Variants in NCALD observed in about 807,000 individuals in gnomAD.
NCALD encodes neurocalcin delta, also known as neurocalcin-delta.
A neutral mutation model predicts 18.6 loss-of-function variants in NCALD; 10 were observed. That is an observed-to-expected ratio of 0.54 (90% CI 0.33 to 0.91). The LOEUF (loss-of-function observed/expected upper bound fraction) is 0.91, where lower values mean the gene tolerates loss of function less well. NCALD is among the 40% of genes least tolerant of loss of function. The pLI is 0.03. For missense variants in NCALD, 184 were observed against 247.6 expected (o/e 0.74, Z 1.72); for synonymous variants, 88 against 87.4 (o/e 1.01, Z -0.04).
At chr8:102,043,943 G>C (rs1008079061) in intron 1 of NCALD, among the ~76,000 whole-genome samples, 1 of 151,804 alleles carries the variant, frequency 6.6e-6, no homozygotes, top group Admixed American at 6.6e-5. Context: ...AAGGACTCTG[G>C]TTACATTCTT....
chr8:101,788,218 C>T (rs953215406), intron 1 of NCALD, among the ~76,000 whole-genome samples: 16 of 152,154 alleles, frequency 1.1e-4, no homozygotes, highest in Non-Finnish European at 2.4e-4. Flanking sequence ...AGTTCTATCA[C>T]CTTTTGGCAT....
At chr8:102,008,333 G>A (rs1297682753) in intron 2 of NCALD, among the ~76,000 whole-genome samples, 1 of 151,970 alleles carries the variant, frequency 6.6e-6, no homozygotes, top group Non-Finnish European at 1.5e-5. Flanking sequence ...CAACCCTTAG[G>A]GACAGGAATA....
chr8:101,898,954 A>T (rs1478876495), intron 3 of NCALD, among the ~76,000 whole-genome samples: 1 of 152,056 alleles, frequency 6.6e-6, no homozygotes, highest in Non-Finnish European at 1.5e-5. Flanking sequence ...TTAAACTTGA[A>T]TCTGAATATC....
At chr8:101,804,093 G>T (rs1812969599) in intron 4 of NCALD, among the ~76,000 whole-genome samples, 1 of 151,904 alleles carries the variant, frequency 6.6e-6, no homozygotes, top group African/African-American at 2.4e-5. Context: ...CCAGCAAAAA[G>T]ATTAGAACTT....
chr8:101,935,473 T>A (rs1032542706), intron 2 of NCALD, among the ~76,000 whole-genome samples: 4 of 152,154 alleles, frequency 2.6e-5, no homozygotes, highest in Admixed American at 2.6e-4. Flanking sequence ...AGTTTACAGT[T>A]TACAACAGAA....
rs141813412 is a variant in NCALD at position 101,935,926 on chromosome 8, G to A, written c.-156-20068C>T. 3.9e-5 allele frequency among the ~76,000 whole-genome samples: 6 copies of A among 151,990 alleles called. No homozygotes were observed. The East Asian group carries it at 1.2e-3, about 29-fold the overall frequency. On this transcript the variant is annotated intron_variant, in intron 2 of 6. Coordinates refer to the NCALD transcript ENST00000311028. The stretch of plus-strand genomic sequence containing the variant: ...AAGCCAAGTCCTAAGTAAGAGAACA[G>A]ATGAGATGCGGAGCACACGATTAGT...
rs530607269 is a variant in NCALD, at chr8:101,726,973, A to C, written c.-19-7325T>G. On this transcript the variant is annotated intron_variant, in intron 1 of 3. Coordinates refer to ENST00000220931, the MANE Select transcript of NCALD (RefSeq NM_032041.3). Reference sequence around the variant, plus strand: ...AAGGAGCCAGTAAAGGAGAACAAAAAGGAATGACCAGCGAAGTAGGCAGAC... The same window carrying C: ...AAGGAGCCAGTAAAGGAGAACAAAACGGAATGACCAGCGAAGTAGGCAGAC... Among the ~76,000 whole-genome samples the C allele has an allele frequency of 1.1e-4, 17 of 152,362 alleles. 1 individual carries two copies. The highest frequency in any genetic ancestry group is 4.1e-4 in the African/African-American group (17 of 41,594).
chr8:101,955,773 T>C (rs1819599924), intron 2 of NCALD, among the ~76,000 whole-genome samples: 1 of 152,166 alleles, frequency 6.6e-6, no homozygotes, highest in African/African-American at 2.4e-5. Flanking sequence ...TAAAAATAGT[T>C]ATAGAAGATA....
At chr8:101,884,353 C>T (rs896806242) in intron 4 of NCALD, among the ~76,000 whole-genome samples, 2 of 152,344 alleles carry the variant, frequency 1.3e-5, no homozygotes, top group African/African-American at 4.8e-5. Context: ...CCCAACCCCA[C>T]TCTTCTCAGC....
At chr8:101,959,926 C>T (rs147743019) in intron 2 of NCALD, among the ~76,000 whole-genome samples, 2 of 145,878 alleles carry the variant, frequency 1.4e-5, no homozygotes, top group Non-Finnish European at 3.0e-5. Flanking sequence ...GTACAGACAC[C>T]TCTTCATCCC....
chr8:101,867,053 C>T (rs942578395), intron 4 of NCALD, among the ~76,000 whole-genome samples: 1 of 152,154 alleles, frequency 6.6e-6, no homozygotes, highest in Admixed American at 6.5e-5. Context: ...CTCTGGCCTT[C>T]CACCGTTCCT....
At chr8:101,913,941 A>G (rs1441753700) in intron 3 of NCALD, among the ~76,000 whole-genome samples, 1 of 152,202 alleles carries the variant, frequency 6.6e-6, no homozygotes, top group Non-Finnish European at 1.5e-5. Context: ...ACAGGATTAT[A>G]AAGATAATAC....
intron 3 of NCALD, among the ~76,000 whole-genome samples, chr8:101,897,039 T>G: frequency 1.3e-5 from 1 of 74,530 alleles, no homozygotes; most frequent in Non-Finnish European, 2.4e-5. Context: ...GGACTATAAA[T>G]CATGCTGCTA....
chr8:101,890,029 T>C (rs1010954636), intron 3 of NCALD, among the ~76,000 whole-genome samples: 22 of 152,214 alleles, frequency 1.4e-4, no homozygotes, highest in African/African-American at 5.3e-4. Context: ...GCAGCCGTAA[T>C]ATGAAGAGCT....
chr8:101,851,839 C>A (rs1210356903), intron 4 of NCALD, among the ~76,000 whole-genome samples: 1 of 152,108 alleles, frequency 6.6e-6, no homozygotes, highest in Non-Finnish European at 1.5e-5. Flanking sequence ...TATGTCCTTC[C>A]AAAATTTATG....
intron 3 of NCALD, among the ~76,000 whole-genome samples, chr8:101,909,518 T>C (rs1252503088): frequency 6.6e-6 from 1 of 152,204 alleles, no homozygotes; most frequent in Non-Finnish European, 1.5e-5. Flanking sequence ...GGCGCAAGTG[T>C]CATGCTATTT....
At chr8:101,821,433 G>A (rs6993577) in intron 4 of NCALD, among the ~76,000 whole-genome samples, 120,883 of 152,114 alleles carry the variant, frequency 0.79, 48,189 homozygotes, top group African/African-American at 0.85. Flanking sequence ...AGAAAAAGTA[G>A]TAACTTTCTC....
At chr8:101,946,594 C>A (rs1015247849) in intron 2 of NCALD, among the ~76,000 whole-genome samples, 9 of 151,968 alleles carry the variant, frequency 5.9e-5, no homozygotes, top group Admixed American at 5.9e-4. Context: ...CCTATCAGAG[C>A]AACAGGAATT....
chr8:102,102,616 A>AC (rs902707260), intron 1 of NCALD, among the ~76,000 whole-genome samples: 39 of 151,760 alleles, frequency 2.6e-4, no homozygotes, highest in African/African-American at 9.2e-4. Context: ...CCGAGGCATG[A>AC]CCCCCCAGCC....
Sources: allele counts gnomAD v4.1 joint callset (sites outside exome capture counted in the v4.1 genomes callset), GRCh38; gene constraint gnomAD v4.1.1; transcripts MANE v1.5; gene names NCBI Gene and HGNC (gene_info 2026-07-23, HGNC 2026-07-21).